NR2C2: variants seen among roughly 807,000 people sequenced by gnomAD.
The protein encoded by NR2C2 is nuclear receptor subfamily 2 group C member 2.
NR2C2 carries 6 observed loss-of-function variants against 62.9 expected under a neutral mutation model. The ratio of observed to expected loss-of-function variants is 0.10; its 90% CI spans 0.05 to 0.19. NR2C2 has a LOEUF of 0.19. Ranked by LOEUF, NR2C2 falls within the 10% of genes least tolerant of loss-of-function variation. NR2C2 has a pLI of 1.00. For synonymous variants in NR2C2, 272 were observed against 273.8 expected (o/e 0.99, Z 0.07); for missense variants, 479 against 762.7 (o/e 0.63, Z 4.38).
In NR2C2 at chr3:14,947,823, C is replaced by T. The variant is rs1235259826; in HGVS notation, c.-123C>T. ...TCCGCCGACACCGGGAGCCCGGGCT[C>T]CCCGCGCCCTGCCCTCCGCGCCGGG... is the stretch of plus-strand genomic sequence containing the variant. On this transcript the variant is annotated 5_prime_UTR_variant, in exon 1 of 14. Coordinates refer to ENST00000425241, the MANE Select transcript of NR2C2 (RefSeq NM_001291694.2). 6.7e-6 allele frequency: 1 copy of T among 149,414 alleles called. No homozygotes were observed. The highest frequency in any genetic ancestry group is 2.4e-5 in the African/African-American group (1 of 40,942). 9.3% of individuals were successfully genotyped at this position (149,414 alleles called of 1,614,324 possible). A position where few individuals can be genotyped will look rare whatever the true frequency, so the allele number is the denominator to read the frequency against.
rs1055144151 is a variant in NR2C2, at chr3:15,045,722, C to G, written c.*2714C>G. ...GAGATGCAAACCAAATATTTGGGCT[C>G]CAACTTTCACAGGGCTTATAGCCCT... On this transcript the variant is annotated 3_prime_UTR_variant, in exon 14 of 14. Coordinates refer to ENST00000425241, the MANE Select transcript of NR2C2 (RefSeq NM_001291694.2). 1 of 152,658 alleles carries G rather than the reference C, an allele frequency of 6.6e-6. No homozygotes were observed. The highest frequency in any genetic ancestry group is 1.5e-5 in the Non-Finnish European group (1 of 68,036). 9.5% of individuals were successfully genotyped at this position (152,658 alleles called of 1,614,324 possible).
At chr3:14,961,811 A>T (rs2039695046) in intron 1 of NR2C2, among the ~76,000 whole-genome samples, 1 of 152,228 alleles carries the variant, frequency 6.6e-6, no homozygotes, top group Admixed American at 6.5e-5. Flanking sequence ...TTTAATGAGG[A>T]CTTAATATAA....
chr3:14,974,561 T>C (rs1173934944), intron 1 of NR2C2, among the ~76,000 whole-genome samples: 13 of 152,168 alleles, frequency 8.5e-5, no homozygotes, highest in Admixed American at 2.6e-4. Flanking sequence ...TTAATTTCTT[T>C]CCATGGTGTT....
At chr3:15,014,550 G>T (rs532247380) in intron 3 of NR2C2, among the ~76,000 whole-genome samples, 6 of 152,058 alleles carry the variant, frequency 3.9e-5, no homozygotes, top group South Asian at 4.2e-4. Flanking sequence ...CAGTTTAGTG[G>T]CATTAAGTAG....
chr3:14,990,231 T>C (rs2040631376), intron 1 of NR2C2, among the ~76,000 whole-genome samples: 1 of 152,200 alleles, frequency 6.6e-6, no homozygotes, highest in Non-Finnish European at 1.5e-5. Context: ...TGTTTTGAGT[T>C]GGTTGGACTC....
intron 1 of NR2C2, chr3:14,948,128 G>A (rs916676734): frequency 4.0e-5 from 6 of 151,654 alleles, no homozygotes; most frequent in African/African-American, 1.5e-4. Flanking sequence ...TGACCGGCCC[G>A]GCCGGCGCAA....
At chr3:15,007,202 A>C (rs1468138198) in intron 2 of NR2C2, among the ~76,000 whole-genome samples, 1 of 145,860 alleles carries the variant, frequency 6.9e-6, no homozygotes, top group Admixed American at 7.1e-5. Flanking sequence ...ATCTTGGCTC[A>C]CTGCAACCTC....
At chr3:14,984,613 G>A (rs1048350251) in intron 1 of NR2C2, among the ~76,000 whole-genome samples, 5 of 152,108 alleles carry the variant, frequency 3.3e-5, no homozygotes, top group Non-Finnish European at 7.4e-5. Flanking sequence ...AGACTCATCC[G>A]TATTGTTGCA....
chr3:14,969,541 A>G (rs2039976111), intron 1 of NR2C2, among the ~76,000 whole-genome samples: 1 of 152,172 alleles, frequency 6.6e-6, no homozygotes, highest in Non-Finnish European at 1.5e-5. Flanking sequence ...ATGCCCGGCC[A>G]ATAAAGATAC....
Position 14,964,423 on chromosome 3 carries a change from G to A in NR2C2, c.-40+16517G>A, listed in dbSNP as rs148812766. Among the ~76,000 whole-genome samples the A allele has an allele frequency of 5.9e-3, 891 of 152,274 alleles. 13 individuals are homozygous for A. The highest frequency in any genetic ancestry group is 0.021 in the African/African-American group (856 of 41,526). On this transcript the variant is annotated intron_variant, in intron 1 of 13. Coordinates refer to ENST00000425241, the MANE Select transcript of NR2C2 (RefSeq NM_001291694.2). ...ATGCAGTCAATCACAAGTATGACAG[G>A]CCCACTGAGTGCTTTCTTACTGCGT...
chr3:15,032,539 A>G, intron 10 of NR2C2, 39 bp downstream of exon 10: 1 of 1,613,736 alleles, frequency 6.2e-7, no homozygotes, highest in South Asian at 1.1e-5. Context: ...CTCGGGCAGG[A>G]GCCTTCCTCT....
intron 1 of NR2C2, among the ~76,000 whole-genome samples, chr3:14,965,101 A>G (rs921959447): frequency 6.6e-6 from 1 of 152,202 alleles, no homozygotes; most frequent in Admixed American, 6.5e-5. Flanking sequence ...TGGGGAGAAC[A>G]TACAAACTCC....
intron 1 of NR2C2, among the ~76,000 whole-genome samples, chr3:14,979,116 C>T (rs549175850): frequency 1.1e-4 from 16 of 152,296 alleles, no homozygotes; most frequent in African/African-American, 3.8e-4. Flanking sequence ...ATGTCAGCAT[C>T]TGTGATCCAC....
intron 7 of NR2C2, chr3:15,025,613 T>C (rs2041802502): frequency 6.6e-6 from 1 of 152,204 alleles, no homozygotes; most frequent in Non-Finnish European, 1.5e-5. Flanking sequence ...AGAAACTGTT[T>C]TCCAATTTTA....
At chr3:15,032,816 C>T (rs28445844) in intron 10 of NR2C2, among the ~76,000 whole-genome samples, 9,858 of 152,232 alleles carry the variant, frequency 0.065, 397 homozygotes, top group East Asian at 0.13. Flanking sequence ...ACTCAACAAA[C>T]TGAAGCCAGG....
intron 1 of NR2C2, among the ~76,000 whole-genome samples, chr3:14,966,891 A>G (rs2039872407): frequency 6.6e-6 from 1 of 152,226 alleles, no homozygotes; most frequent in Non-Finnish European, 1.5e-5. Flanking sequence ...GCCACTTGAA[A>G]GCTGTGTGAC....
chr3:15,042,796 C>G lies in NR2C2; in HGVS notation c.1617-38C>G, dbSNP rs1266778132. On this transcript the variant is annotated intron_variant, in intron 13 of 13. Transcript: ENST00000425241. ...TTGCTGAGCTGTGGTTGAAGGGCAT[C>G]AAACAGTCTCCTTTTCTAATGACAC... The G allele has an allele frequency of 1.9e-6, 3 of 1,594,578 alleles. No individual in the cohort carries two copies. The African/African-American group carries it at 4.0e-5, about 21-fold the overall frequency.
intron 5 of NR2C2, among the ~76,000 whole-genome samples, chr3:15,022,397 T>TC (rs2125025070): frequency 8.0e-6 from 1 of 125,016 alleles, no homozygotes; most frequent in African/African-American, 2.8e-5. Context: ...TCTTTTTCTT[T>TC]CTTTTTTTTT....
At chr3:15,004,622 A>T (rs772116446) in intron 2 of NR2C2, 1 of 1,611,662 alleles carries the variant, frequency 6.2e-7, no homozygotes, top group South Asian at 1.1e-5. Flanking sequence ...AGGTAGGTGT[A>T]TCAAGCTTGA....
Sources: allele counts gnomAD v4.1 joint callset (sites outside exome capture counted in the v4.1 genomes callset), GRCh38; gene constraint gnomAD v4.1.1; transcripts MANE v1.5; gene names NCBI Gene and HGNC (gene_info 2026-07-23, HGNC 2026-07-21).